PAFAH1B2: variants seen among roughly 807,000 people sequenced by gnomAD.
PAFAH1B2 encodes the protein platelet activating factor acetylhydrolase 1b catalytic subunit 2.
A neutral mutation model predicts 28.0 loss-of-function variants in PAFAH1B2; 8 were observed. The ratio of observed to expected loss-of-function variants is 0.29; its 90% confidence interval spans 0.17 to 0.52. The LOEUF (loss-of-function observed/expected upper bound fraction) is 0.52, where lower values mean the gene tolerates loss of function less well. PAFAH1B2 is among the 20% of genes least tolerant of loss of function. PAFAH1B2 has a pLI of 0.97. For missense variants in PAFAH1B2, 190 were observed against 282.6 expected (o/e 0.67, Z 2.35); for synonymous variants, 104 against 103.2 (o/e 1.01, Z -0.05).
intron 2 of PAFAH1B2, among the ~76,000 whole-genome samples, chr11:117,155,062 G>A (rs1956229683): frequency 6.6e-6 from 1 of 152,134 alleles, no homozygotes; most frequent in South Asian, 2.1e-4. Context: ...TTGGCTCGCT[G>A]CAACTTCTAC....
At chr11:117,155,599 A>G (rs1048974775) in intron 2 of PAFAH1B2, among the ~76,000 whole-genome samples, 1 of 152,218 alleles carries the variant, frequency 6.6e-6, no homozygotes, top group Admixed American at 6.5e-5. Flanking sequence ...ACAGATTAGC[A>G]TATAGCCCTT....
chr11:117,159,355 A>G (rs1044489043), intron 2 of PAFAH1B2: 2 of 152,252 alleles, frequency 1.3e-5, no homozygotes, highest in African/African-American at 2.4e-5. Flanking sequence ...AAAATGTTCA[A>G]CAACAGTAAC....
At chr11:117,154,734 G>A (rs748171217) in intron 2 of PAFAH1B2, among the ~76,000 whole-genome samples, 4 of 151,932 alleles carry the variant, frequency 2.6e-5, no homozygotes, top group South Asian at 2.1e-4. Flanking sequence ...ATGAGCCACC[G>A]TGCCTGACTT....
Position 117,168,446 on chromosome 11 carries a change from G to GGTTTTTT in PAFAH1B2, c.*747_*748insGTTTTTT. ...TCCCCTTCATTCCCCCCGCCACCCC[G>GGTTTTTT]TTTTTTTTTTTTTTTTTTTTTTTTT... On this transcript the variant is annotated 3_prime_UTR_variant, in exon 6 of 6. Transcript: ENST00000527958. The GGTTTTTT allele has an allele frequency of 4.3e-6, 1 of 234,820 alleles. No homozygotes were observed. The highest frequency in any genetic ancestry group is 5.0e-6 in the Non-Finnish European group (1 of 200,708). 14.5% of individuals were successfully genotyped at this position (234,820 alleles called of 1,614,324 possible). A position where few individuals can be genotyped will look rare whatever the true frequency, so the allele number is the denominator to read the frequency against.
chr11:117,147,778 A>T (rs1956048878), intron 1 of PAFAH1B2, among the ~76,000 whole-genome samples: 1 of 152,252 alleles, frequency 6.6e-6, no homozygotes, highest in Admixed American at 6.5e-5. Context: ...GGGAAGAAGG[A>T]TCACCTTGTA....
chr11:117,167,308 C>CA (rs1417684729), intron 5 of PAFAH1B2, 113 bp from the exon 6 acceptor site: 10 of 1,081,354 alleles, frequency 9.2e-6, no homozygotes, highest in African/African-American at 6.4e-5. Context: ...TTTCACAACT[C>CA]AAAGGTGTAG....
Position 117,170,365 on chromosome 11 carries a change from G to T in PAFAH1B2, c.*2666G>T. 9.4e-7 allele frequency: 1 copy of T among 1,059,666 alleles called. No homozygotes were observed. The highest frequency in any genetic ancestry group is 1.1e-6 in the Non-Finnish European group (1 of 876,964). 65.6% of individuals were successfully genotyped at this position (1,059,666 alleles called of 1,614,324 possible). A position where few individuals can be genotyped will look rare whatever the true frequency, so the allele number is the denominator to read the frequency against. Reference sequence around the variant, plus strand: ...CGCATTCCTGCTATACTAGATGGCAGCCAGTGATGGAACTATAAAGATGTC... The same window carrying T: ...CGCATTCCTGCTATACTAGATGGCATCCAGTGATGGAACTATAAAGATGTC... On this transcript the variant is annotated 3_prime_UTR_variant, in exon 6 of 6. Transcript: ENST00000527958.
intron 2 of PAFAH1B2, among the ~76,000 whole-genome samples, chr11:117,157,420 G>A (rs1239784283): frequency 2.0e-5 from 3 of 152,078 alleles, no homozygotes; most frequent in African/African-American, 7.2e-5. Context: ...AGGATTACAG[G>A]CGTGAGCTGC....
chr11:117,175,085 C>A, downstream of PAFAH1B2: 2 of 1,276,588 alleles, frequency 1.6e-6, no homozygotes, highest in African/African-American at 1.5e-5. Flanking sequence ...ATTCAACACT[C>A]AGGCTCAGGA....
In PAFAH1B2 at chr11:117,170,528, G is replaced by C. The variant is rs1318014461; in HGVS notation, c.*2829G>C. The C allele has an allele frequency of 3.8e-6, 4 of 1,058,630 alleles. No homozygotes were observed. The highest frequency in any genetic ancestry group is 1.0e-4 in the East Asian group (2 of 19,482). 65.6% of individuals were successfully genotyped at this position (1,058,630 alleles called of 1,614,324 possible). On this transcript the variant is annotated 3_prime_UTR_variant, in exon 6 of 6. Transcript: ENST00000527958. The stretch of plus-strand genomic sequence containing the variant: ...CACCGTGAGGCTACTTGAACTGTCA[G>C]GGGCATCTGCCTAAACCAGAATCTT...
rs566719761 is a variant in PAFAH1B2, at chr11:117,162,299, A to G, written c.288+1038A>G. The stretch of plus-strand genomic sequence containing the variant: ...CAGGCATGTGCCACCATGCTTAGCT[A>G]ATTTTTAAATTTCTTTTTGTAGACA... On this transcript the variant is annotated intron_variant, in intron 4 of 5. Coordinates refer to ENST00000527958, the MANE Select transcript of PAFAH1B2 (RefSeq NM_002572.4). Among the ~76,000 whole-genome samples, 49 of 152,214 alleles carry G rather than the reference A, an allele frequency of 3.2e-4. 1 individual carries two copies. The South Asian group carries it at 4.2e-3, about 13-fold the overall frequency.
In PAFAH1B2 at chr11:117,146,689, G is replaced by A. The variant is rs958547886; in HGVS notation, c.-8+2271G>A. ...GCTAACGACTGACTGAGACCCTGTC[G>A]GGGTAAAAAACAAAAAACAAAACAC... On this transcript the variant is annotated intron_variant, in intron 1 of 5. Coordinates refer to ENST00000527958, the MANE Select transcript of PAFAH1B2 (RefSeq NM_002572.4). Among the ~76,000 whole-genome samples the A allele has an allele frequency of 1.1e-4, 17 of 152,048 alleles. No individual in the cohort carries two copies. The East Asian group carries it at 2.9e-3, about 26-fold the overall frequency.
downstream of PAFAH1B2, chr11:117,171,777 G>C: frequency 6.6e-7 from 1 of 1,522,318 alleles, no homozygotes; most frequent in Non-Finnish European, 8.8e-7. Flanking sequence ...GATGTTCCTT[G>C]GCAGCTAAAA....
Position 117,168,810 on chromosome 11 carries a change from T to G in PAFAH1B2, c.*1111T>G. ...TAGTTGTTTTTTGTTTTGTTTTGTT[T>G]GAGATGGAGTTTCACTGTTGCCCAG... On this transcript the variant is annotated 3_prime_UTR_variant, in exon 6 of 6. Coordinates refer to ENST00000527958, the MANE Select transcript of PAFAH1B2 (RefSeq NM_002572.4). 1.1e-6 allele frequency: 1 copy of G among 924,910 alleles called. No homozygotes were observed. Among genetic ancestry groups the G allele is most frequent in the Middle Eastern group, 5.0e-4 (1 of 2,018 alleles). 57.3% of individuals were successfully genotyped at this position (924,910 alleles called of 1,614,324 possible). A position where few individuals can be genotyped will look rare whatever the true frequency, so the allele number is the denominator to read the frequency against.
intron 4 of PAFAH1B2, among the ~76,000 whole-genome samples, chr11:117,161,758 G>A (rs555419541): frequency 1.4e-4 from 22 of 152,044 alleles, no homozygotes; most frequent in African/African-American, 4.6e-4. Context: ...CACCCGCTTC[G>A]GCCTCCCAAA....
At position 117,169,805 on chromosome 11, in the gene PAFAH1B2, A is replaced by G; in HGVS notation, c.*2106A>G. 1.9e-6 allele frequency: 2 copies of G among 1,055,930 alleles called. No individual in the cohort carries two copies. The highest frequency in any genetic ancestry group is 1.6e-5 in the African/African-American group (1 of 60,640). The allele number at this position is 1,055,930 out of a possible 1,614,324, so 65.4% of individuals were successfully genotyped here. On this transcript the variant is annotated 3_prime_UTR_variant, in exon 6 of 6. Coordinates refer to ENST00000527958, the MANE Select transcript of PAFAH1B2 (RefSeq NM_002572.4). Reference sequence around the variant, plus strand: ...ATTAAGCCAGATTTTTGTGTGTGGAAAGACAGTTTTCTATCCACGTCTTTT... The same window carrying G: ...ATTAAGCCAGATTTTTGTGTGTGGAGAGACAGTTTTCTATCCACGTCTTTT...
At position 117,162,963 on chromosome 11, in the gene PAFAH1B2, A is replaced by C. The variant is rs1956408553; in HGVS notation, c.289-807A>C. ...CACCTCAGTGTCCCAAAGCATTGAG[A>C]TTATAGATGTGACCCACTGTGCCTG... is the stretch of plus-strand genomic sequence containing the variant. On this transcript the variant is annotated intron_variant, in intron 4 of 5. Coordinates refer to ENST00000527958, the MANE Select transcript of PAFAH1B2 (RefSeq NM_002572.4). Among the ~76,000 whole-genome samples the C allele has an allele frequency of 3.3e-5, 5 of 152,096 alleles. 1 individual carries two copies. The highest frequency in any genetic ancestry group is 3.3e-4 in the Admixed American group (5 of 15,258).
Position 117,152,461 on chromosome 11 carries a change from A to G in PAFAH1B2, c.14A>G (p.Asp5Gly). The G allele has an allele frequency of 1.2e-6, 2 of 1,612,888 alleles. No homozygotes were observed. Among genetic ancestry groups the G allele is most frequent in the Non-Finnish European group, 1.7e-6 (2 of 1,178,906 alleles). Residue 5 changes from aspartate to glycine, a missense_variant, in exon 2 of 6, where the codon GAC becomes GGC. Transcript: ENST00000527958. The stretch of plus-strand genomic sequence containing the variant: ...CTCAGGTGTAGAATGAGCCAAGGAG[A>G]CTCAAACCCAGCAGCTATTCCGCAT... MSQGDSNPAAIPHAA... is the reference protein window; with the variant it reads MSQGGSNPAAIPHAA...
exon 6 of PAFAH1B2, chr11:117,176,048 T>A: frequency 1.2e-6 from 1 of 857,956 alleles, no homozygotes; most frequent in Admixed American, 2.0e-5. Flanking sequence ...ATCCTGAGGA[T>A]TCTCTGATTC....
Sources: gnomAD v4.1 joint callset for allele counts (sites outside exome capture counted in the v4.1 genomes callset) on GRCh38, gnomAD v4.1.1 for gene constraint, MANE v1.5 for transcripts, NCBI Gene and HGNC (gene_info 2026-07-23, HGNC 2026-07-21) for gene names.